PCCA: variants seen among roughly 807,000 people sequenced by gnomAD.
The protein encoded by PCCA is propionyl-CoA carboxylase alpha chain, mitochondrial.
Under a neutral mutation model 101.3 loss-of-function variants are expected in PCCA, and 74 were observed. That is an observed-to-expected ratio of 0.73 (90% CI 0.61 to 0.89). The LOEUF is 0.89. Among genes scored for constraint, PCCA ranks in the 40% least tolerant of loss-of-function variants. The pLI is 0.00. For missense variants in PCCA, 891 were observed against 907.0 expected (o/e 0.98, Z 0.23); for synonymous variants, 294 against 313.6 (o/e 0.94, Z 0.66).
intron 12 of PCCA, among the ~76,000 whole-genome samples, chr13:100,298,125 G>A (rs889488950): frequency 2.6e-5 from 4 of 152,136 alleles, no homozygotes; most frequent in Admixed American, 2.6e-4. Context: ...TTGCTGTTGG[G>A]TAGGAAAAAC....
At chr13:100,314,085 C>A (rs1029432140) in intron 16 of PCCA, among the ~76,000 whole-genome samples, 5 of 152,042 alleles carry the variant, frequency 3.3e-5, no homozygotes, top group Admixed American at 2.0e-4. Context: ...GTGGCACATT[C>A]TAGATAGAAA....
intron 21 of PCCA, among the ~76,000 whole-genome samples, chr13:100,509,678 G>C (rs2086332231): frequency 6.6e-6 from 1 of 152,194 alleles, no homozygotes. Flanking sequence ...CAGTGTTTGG[G>C]TGATGGTGTT....
chr13:100,515,470 A>G lies in PCCA; in HGVS notation c.1943A>G (p.Lys648Arg). The G allele has an allele frequency of 6.2e-7, 1 of 1,614,114 alleles. No homozygotes were observed. Among genetic ancestry groups the G allele is most frequent in the Admixed American group, 1.7e-5 (1 of 60,014 alleles). ...ILTRLAAELN[K>R]FMLEKVTEDT... ...ACCAGACTTGCCGCAGAATTGAACAAATTTATGCTGGAAAAAGTGACTGAG... is the reference window on the plus strand; with the variant it reads ...ACCAGACTTGCCGCAGAATTGAACAGATTTATGCTGGAAAAAGTGACTGAG... The change falls in exon 22 of 24, where the codon AAA (lysine) becomes AGA (arginine). Residue 648 changes from lysine to arginine, a missense_variant. Physicochemically the swap from Lys to Arg is conservative, Grantham distance 26. Transcript: ENST00000376285.
intron 18 of PCCA, among the ~76,000 whole-genome samples, chr13:100,355,753 C>A (rs990545818): frequency 6.6e-6 from 1 of 152,108 alleles, no homozygotes; most frequent in Non-Finnish European, 1.5e-5. Flanking sequence ...TTACTAGAAT[C>A]CCAGCTGCAT....
intron 16 of PCCA, among the ~76,000 whole-genome samples, chr13:100,310,710 T>C (rs755461370): frequency 6.6e-6 from 1 of 152,200 alleles, no homozygotes; most frequent in Non-Finnish European, 1.5e-5. Context: ...TTACTCTATA[T>C]ATGTATATAT....
chr13:100,530,399 TC>T lies in PCCA; in HGVS notation c.*234del. 1.7e-6 allele frequency: 1 copy of T among 597,728 alleles called. No individual in the cohort carries two copies. 37.0% of individuals were successfully genotyped at this position (597,728 alleles called of 1,614,324 possible). On this transcript the variant is annotated 3_prime_UTR_variant, in exon 24 of 24. Transcript: ENST00000376285. ...ACTTCTGCTGTGAGATTCCCTAGTG[TC>T]AAAATTAAATCAATAAAACTGAGCA... is the stretch of plus-strand genomic sequence containing the variant.
intron 6 of PCCA, among the ~76,000 whole-genome samples, chr13:100,208,395 G>A (rs2059000692): frequency 6.6e-6 from 1 of 152,158 alleles, no homozygotes; most frequent in Non-Finnish European, 1.5e-5. Flanking sequence ...ATACAAATAT[G>A]CAGTTTATTG....
intron 19 of PCCA, among the ~76,000 whole-genome samples, chr13:100,411,015 A>G (rs556305277): frequency 2.1e-4 from 32 of 152,308 alleles, no homozygotes; most frequent in African/African-American, 7.2e-4. Flanking sequence ...GGAGTTGCAA[A>G]TATAGAATAG....
chr13:100,439,225 A>G (rs2080169085), intron 20 of PCCA, among the ~76,000 whole-genome samples: 1 of 152,170 alleles, frequency 6.6e-6, no homozygotes, highest in South Asian at 2.1e-4. Context: ...TGTCAACCAC[A>G]GTTTTGGTTT....
intron 12 of PCCA, among the ~76,000 whole-genome samples, chr13:100,293,904 A>G (rs2065319053): frequency 6.6e-6 from 1 of 152,156 alleles, no homozygotes; most frequent in Non-Finnish European, 1.5e-5. Context: ...GCATATTGTA[A>G]ATGATATTGC....
At chr13:100,102,151 C>G (rs2152247845) in intron 1 of PCCA, among the ~76,000 whole-genome samples, 1 of 151,556 alleles carries the variant, frequency 6.6e-6, no homozygotes, top group Non-Finnish European at 1.5e-5. Flanking sequence ...CCTTTCTTTT[C>G]TCTCTTTTCA....
intron 16 of PCCA, among the ~76,000 whole-genome samples, chr13:100,328,237 C>A (rs2068939168): frequency 6.6e-6 from 1 of 151,838 alleles, no homozygotes. Context: ...GTGGCGTGTT[C>A]CTGTAATCCC....
At chr13:100,459,393 A>G (rs1253281174) in intron 21 of PCCA, among the ~76,000 whole-genome samples, 10 of 152,178 alleles carry the variant, frequency 6.6e-5, no homozygotes, top group African/African-American at 2.4e-4. Flanking sequence ...ACCTGAAAAT[A>G]TATTTTACAA....
intron 2 of PCCA, among the ~76,000 whole-genome samples, chr13:100,109,763 A>G (rs1360852506): frequency 2.0e-5 from 3 of 152,178 alleles, no homozygotes; most frequent in African/African-American, 4.8e-5. Flanking sequence ...TAAGACATAT[A>G]TGATGTAAAG....
chr13:100,190,214 G>C (rs951958050), intron 6 of PCCA, among the ~76,000 whole-genome samples: 1 of 152,186 alleles, frequency 6.6e-6, no homozygotes, highest in African/African-American at 2.4e-5. Flanking sequence ...TTTGATGGCT[G>C]TTATTGCGTT....
At chr13:100,268,434 T>C in intron 10 of PCCA, 1 of 514,082 alleles carries the variant, frequency 1.9e-6, no homozygotes, top group Non-Finnish European at 3.5e-6. Flanking sequence ...ATTCTGATGT[T>C]TTACTCGTTG....
intron 12 of PCCA, among the ~76,000 whole-genome samples, chr13:100,274,094 C>G (rs1017969252): frequency 6.6e-6 from 1 of 152,202 alleles, no homozygotes; most frequent in Non-Finnish European, 1.5e-5. Flanking sequence ...TTTTCTTCTC[C>G]TTCTCAATGA....
Position 100,102,960 on chromosome 13 carries a change from AG to A in PCCA, c.183+1del, listed in dbSNP as rs2047408448. The A allele has an allele frequency of 6.3e-7, 1 of 1,575,366 alleles. No homozygotes were observed. The highest frequency in any genetic ancestry group is 8.7e-7 in the Non-Finnish European group (1 of 1,144,892). On this transcript the variant is annotated splice_donor_variant, in intron 2 of 23. Coordinates refer to ENST00000376285, the MANE Select transcript of PCCA (RefSeq NM_000282.4). LOFTEE classifies it high-confidence loss of function. ...CAGTGGGATATGATCCTAATGAAAAAGTAAGTATTTAAAAGATATTCTCAAC... is the reference window on the plus strand; with the variant it reads ...CAGTGGGATATGATCCTAATGAAAAATAAGTATTTAAAAGATATTCTCAAC...
chr13:100,134,547 A>G (rs1364740588), intron 4 of PCCA, among the ~76,000 whole-genome samples: 2 of 152,108 alleles, frequency 1.3e-5, no homozygotes, highest in African/African-American at 4.8e-5. Context: ...TAATTTATTT[A>G]GGTTTTCTTT....
Sources: gnomAD v4.1 joint callset for allele counts (sites outside exome capture counted in the v4.1 genomes callset) on GRCh38, gnomAD v4.1.1 for gene constraint, MANE v1.5 for transcripts, NCBI Gene and HGNC (gene_info 2026-07-23, HGNC 2026-07-21) for gene names.